FOSL2: variants seen among roughly 807,000 people sequenced by gnomAD.
The protein encoded by FOSL2 is FOS like 2, AP-1 transcription factor subunit, also known as fos-related antigen 2.
In FOSL2, 3 loss-of-function variants were observed where a neutral mutation model predicts 27.7. The ratio of observed to expected loss-of-function variants is 0.11; its 90% CI spans 0.05 to 0.28. The LOEUF is 0.28. Ranked by LOEUF, FOSL2 falls within the 10% of genes least tolerant of loss-of-function variation. FOSL2 has a pLI of 1.00. For missense variants in FOSL2, 333 were observed against 445.1 expected (o/e 0.75, Z 2.27); for synonymous variants, 179 against 190.1 (o/e 0.94, Z 0.48).
Position 28,393,664 on chromosome 2 carries a change from C to T in FOSL2, c.-57C>T. On this transcript the variant is annotated 5_prime_UTR_variant, in exon 1 of 4. Coordinates refer to ENST00000264716, the MANE Select transcript of FOSL2 (RefSeq NM_005253.4). The surrounding 1 kb of genome is among the most constrained non-coding windows in gnomAD (Gnocchi z 4.6). Reference sequence around the variant, plus strand: ...GCGCGCAGCAGCCGGTGCGCGGCCGCGGCGAGGGCGGGGGAAGAAAAACAC... The same window carrying T: ...GCGCGCAGCAGCCGGTGCGCGGCCGTGGCGAGGGCGGGGGAAGAAAAACAC... The T allele has an allele frequency of 1.5e-6, 2 of 1,337,606 alleles. No homozygotes were observed. Among genetic ancestry groups the T allele is most frequent in the Non-Finnish European group, 2.1e-6 (2 of 961,850 alleles). 82.9% of individuals were successfully genotyped at this position (1,337,606 alleles called of 1,614,324 possible).
chr2:28,395,137 C>T (rs1663787576), intron 1 of FOSL2, among the ~76,000 whole-genome samples: 1 of 152,308 alleles, frequency 6.6e-6, no homozygotes, highest in South Asian at 2.1e-4. Context: ...AGGGTGCAGT[C>T]AATGCACCCT....
intron 1 of FOSL2, among the ~76,000 whole-genome samples, chr2:28,401,453 T>TC (rs1558566412): frequency 6.6e-6 from 1 of 152,118 alleles, no homozygotes; most frequent in Non-Finnish European, 1.5e-5. Flanking sequence ...TGATGAGTAT[T>TC]CCCCTTTACA....
Position 28,404,435 on chromosome 2 carries a change from A to C in FOSL2, c.354+77A>C. The C allele has an allele frequency of 6.6e-7, 1 of 1,510,866 alleles. No homozygotes were observed. The highest frequency in any genetic ancestry group is 9.0e-7 in the Non-Finnish European group (1 of 1,116,462). 93.6% of individuals were successfully genotyped at this position (1,510,866 alleles called of 1,614,324 possible). On this transcript the variant is annotated intron_variant, in intron 2 of 3. Transcript: ENST00000264716. The surrounding 1 kb of genome is among the most constrained non-coding windows in gnomAD (Gnocchi z 4.7). ...AGAAACACAGAACGGGTTTCTGCAG[A>C]CTGGGAGGGTTAATGTTCTGAGAGC...
chr2:28,414,456 C>T lies in FOSL2; in HGVS notation c.*2008C>T, dbSNP rs1477028956. On this transcript the variant is annotated 3_prime_UTR_variant, in exon 4 of 4. Coordinates refer to ENST00000264716, the MANE Select transcript of FOSL2 (RefSeq NM_005253.4). ...TTTCCCAGGGGCTCTGGGAGGGACC[C>T]TTCTAAGAAGATTGGGCAGTTGGGT... 1.3e-5 allele frequency: 2 copies of T among 152,144 alleles called. No individual in the cohort carries two copies. The allele number at this position is 152,144 out of a possible 1,614,324, so 9.4% of individuals were successfully genotyped here. A position where few individuals can be genotyped will look rare whatever the true frequency, so the allele number is the denominator to read the frequency against.
At chr2:28,411,850 AC>A in intron 3 of FOSL2, 79 bp from the exon 4 acceptor site, 2 of 1,491,980 alleles carry the variant, frequency 1.3e-6, no homozygotes, top group South Asian at 2.3e-5. Context: ...GTGTCTGAGA[AC>A]ATTACTGGTT....
Position 28,413,698 on chromosome 2 carries a change from C to A in FOSL2, c.*1250C>A. ...CCGGGCCTTTCCTGCCCTCTGTGGT[C>A]ATCTGCCACCTGCTGGATCAAGTGC... On this transcript the variant is annotated 3_prime_UTR_variant, in exon 4 of 4. Transcript: ENST00000264716. The A allele has an allele frequency of 2.5e-6, 1 of 399,198 alleles. No individual in the cohort carries two copies. The highest frequency in any genetic ancestry group is 4.4e-6 in the Non-Finnish European group (1 of 226,472). The allele number at this position is 399,198 out of a possible 1,614,324, so 24.7% of individuals were successfully genotyped here. A position where few individuals can be genotyped will look rare whatever the true frequency, so the allele number is the denominator to read the frequency against.
intron 1 of FOSL2, among the ~76,000 whole-genome samples, chr2:28,398,710 G>C (rs553464946): frequency 6.6e-6 from 1 of 152,372 alleles, no homozygotes; most frequent in South Asian, 2.1e-4. Context: ...AGGGAGGCGA[G>C]TCACCTAAGA....
rs1664301846 is a variant in FOSL2, at chr2:28,415,861, G to T, written c.*3413G>T. 1 of 152,156 alleles carries T rather than the reference G, an allele frequency of 6.6e-6. No individual in the cohort carries two copies. Among genetic ancestry groups the T allele is most frequent in the African/African-American group, 2.4e-5 (1 of 41,436 alleles). The allele number at this position is 152,156 out of a possible 1,614,324, so 9.4% of individuals were successfully genotyped here. ...AAGATCCAAGGTAAGATTGCCTTCAGTCTGATGTTTGTTCTCAAGGACTTA... is the reference window on the plus strand; with the variant it reads ...AAGATCCAAGGTAAGATTGCCTTCATTCTGATGTTTGTTCTCAAGGACTTA... On this transcript the variant is annotated 3_prime_UTR_variant, in exon 4 of 4. Coordinates refer to ENST00000264716, the MANE Select transcript of FOSL2 (RefSeq NM_005253.4).
At chr2:28,396,574 A>T (rs527982746) in intron 1 of FOSL2, among the ~76,000 whole-genome samples, 1 of 152,172 alleles carries the variant, frequency 6.6e-6, no homozygotes, top group South Asian at 2.1e-4. Context: ...TACGCAATCC[A>T]GCCAGTTACA....
rs555320989 is a variant in FOSL2, at chr2:28,393,140, C to A, written c.-581C>A. ...CTCGGGGCCGCGGGACGGGCGCACG[C>A]CGCCTTCTCCTAGTCAAGTATCCGA... On this transcript the variant is annotated 5_prime_UTR_variant, in exon 1 of 4. Coordinates refer to ENST00000264716, the MANE Select transcript of FOSL2 (RefSeq NM_005253.4). This position sits in a 1 kb window ranked among gnomAD's most constrained non-coding sequence, Gnocchi z 4.6. 6.0e-6 allele frequency: 2 copies of A among 331,418 alleles called. No homozygotes were observed. The highest frequency in any genetic ancestry group is 1.0e-4 in the Admixed American group (2 of 19,502). 20.5% of individuals were successfully genotyped at this position (331,418 alleles called of 1,614,324 possible). A position where few individuals can be genotyped will look rare whatever the true frequency, so the allele number is the denominator to read the frequency against.
chr2:28,394,144 C>G (rs34941562), intron 1 of FOSL2, among the ~76,000 whole-genome samples: 3 of 123,636 alleles, frequency 2.4e-5, no homozygotes, highest in Admixed American at 2.2e-4. Context: ...TCTGCCCCCC[C>G]CCCCCCACCC....
At position 28,413,437 on chromosome 2, in the gene FOSL2, G is replaced by C; in HGVS notation, c.*989G>C. 2.5e-6 allele frequency: 1 copy of C among 398,692 alleles called. No homozygotes were observed. The highest frequency in any genetic ancestry group is 3.6e-5 in the East Asian group (1 of 28,072). The allele number at this position is 398,692 out of a possible 1,614,324, so 24.7% of individuals were successfully genotyped here. ...ATACTCCAAGTCCCTGCCGGGCTCC[G>C]CCTTTCCCCCACCCTGGCTCTCAGG... On this transcript the variant is annotated 3_prime_UTR_variant, in exon 4 of 4. Coordinates refer to ENST00000264716, the MANE Select transcript of FOSL2 (RefSeq NM_005253.4).
Position 28,408,646 on chromosome 2 carries a change from TCTC to T in FOSL2, c.355-110_355-108del. ...CAGCCATGCTCCTCTTGCCCTTCCT[TCTC>T]CTTTCTCCATTTCCAGAAGGGCTTC... On this transcript the variant is annotated intron_variant, in intron 2 of 3. Transcript: ENST00000264716. The surrounding 1 kb of genome is among the most constrained non-coding windows in gnomAD (Gnocchi z 4.1). 1.4e-6 allele frequency: 1 copy of T among 706,264 alleles called. No homozygotes were observed. 43.7% of individuals were successfully genotyped at this position (706,264 alleles called of 1,614,324 possible).
rs2148102749 is a variant in FOSL2 at position 28,413,396 on chromosome 2, C to G, written c.*948C>G. 1 of 398,002 alleles carries G rather than the reference C, an allele frequency of 2.5e-6. No homozygotes were observed. The highest frequency in any genetic ancestry group is 4.4e-5 in the Admixed American group (1 of 22,740). 24.7% of individuals were successfully genotyped at this position (398,002 alleles called of 1,614,324 possible). ...CTCCGGACCAGGGAGGCGTCCCTCCCTAGGAGCCACACATTATACTCCAAG... is the reference window on the plus strand; with the variant it reads ...CTCCGGACCAGGGAGGCGTCCCTCCGTAGGAGCCACACATTATACTCCAAG... On this transcript the variant is annotated 3_prime_UTR_variant, in exon 4 of 4. Coordinates refer to ENST00000264716, the MANE Select transcript of FOSL2 (RefSeq NM_005253.4).
rs1553376559 is a variant in FOSL2, at chr2:28,396,813, C to CACACACACACAA, written c.102+3002_102+3003insAACACACACACA. 1.9e-3 allele frequency: 284 copies of CACACACACACAA among 148,492 alleles called. 3 individuals are homozygous for CACACACACACAA. The highest frequency in any genetic ancestry group is 7.0e-3 in the African/African-American group (267 of 38,082). 9.2% of individuals were successfully genotyped at this position (148,492 alleles called of 1,614,324 possible). ...AGACACACACACACACACACACACA[C>CACACACACACAA]ACACACACACACACACACACACACA... On this transcript the variant is annotated intron_variant, in intron 1 of 3. Coordinates refer to ENST00000264716, the MANE Select transcript of FOSL2 (RefSeq NM_005253.4).
intron 3 of FOSL2, among the ~76,000 whole-genome samples, chr2:28,410,192 C>T (rs1664162762): frequency 6.6e-6 from 1 of 152,180 alleles, no homozygotes; most frequent in Admixed American, 6.5e-5. Context: ...GGTGTTAGAG[C>T]CGGGGAGGAT....
rs923172102 is a variant in FOSL2, at chr2:28,393,419, G to C, written c.-302G>C. 15 of 344,416 alleles carry C rather than the reference G, an allele frequency of 4.4e-5. No individual in the cohort carries two copies. The highest frequency in any genetic ancestry group is 3.3e-4 in the African/African-American group (15 of 45,746). 21.3% of individuals were successfully genotyped at this position (344,416 alleles called of 1,614,324 possible). A position where few individuals can be genotyped will look rare whatever the true frequency, so the allele number is the denominator to read the frequency against. On this transcript the variant is annotated 5_prime_UTR_variant, in exon 1 of 4. Coordinates refer to ENST00000264716, the MANE Select transcript of FOSL2 (RefSeq NM_005253.4). The surrounding 1 kb of genome is among the most constrained non-coding windows in gnomAD (Gnocchi z 4.6). The stretch of plus-strand genomic sequence containing the variant: ...GCTGCGCGCGGGGGCGGGAGGGCGC[G>C]CGCAGGGGAGGGACCGAGAGACGCG...
intron 1 of FOSL2, among the ~76,000 whole-genome samples, 181 bp from the exon 2 acceptor site, chr2:28,403,926 T>C (rs1340327687): frequency 6.6e-6 from 1 of 152,148 alleles, no homozygotes; most frequent in Non-Finnish European, 1.5e-5. Flanking sequence ...ATAATTAAGA[T>C]TCCCCCCTTG....
rs1236902163 is a variant in FOSL2 at position 28,393,488 on chromosome 2, G to A, written c.-233G>A. 4.0e-6 allele frequency: 2 copies of A among 493,906 alleles called. No individual in the cohort carries two copies. Among genetic ancestry groups the A allele is most frequent in the African/African-American group, 4.2e-5 (2 of 48,078 alleles). 30.6% of individuals were successfully genotyped at this position (493,906 alleles called of 1,614,324 possible). On this transcript the variant is annotated 5_prime_UTR_variant, in exon 1 of 4. Coordinates refer to ENST00000264716, the MANE Select transcript of FOSL2 (RefSeq NM_005253.4). The surrounding 1 kb of genome is among the most constrained non-coding windows in gnomAD (Gnocchi z 4.6). ...GGATCGGGTGGACAACTGGTCCCGCGGCGCTCGCAGAGCCGGAAAGAAGTG... is the reference window on the plus strand; with the variant it reads ...GGATCGGGTGGACAACTGGTCCCGCAGCGCTCGCAGAGCCGGAAAGAAGTG...
Sources: allele counts gnomAD v4.1 joint callset (sites outside exome capture counted in the v4.1 genomes callset), GRCh38; gene constraint gnomAD v4.1.1; non-coding constraint Gnocchi (gnomAD v3.1); transcripts MANE v1.5; gene names NCBI Gene and HGNC (gene_info 2026-07-23, HGNC 2026-07-21).